The following SAMD5 variants were observed in gnomAD, a reference collection of about 807,000 sequenced individuals.
SAMD5 encodes the protein sterile alpha motif domain containing 5.
In SAMD5, 13 loss-of-function variants were observed where a neutral mutation model predicts 11.3. The ratio of observed to expected loss-of-function variants is 1.15; its 90% CI spans 0.75 to 1.83. SAMD5 has a LOEUF of 1.83. SAMD5 is among the 40% of genes most tolerant of loss of function. The probability of loss-of-function intolerance (pLI) is 0.00; values close to 1 mark genes in which losing one functional copy is unlikely to be tolerated. For synonymous variants in SAMD5, 129 were observed against 111.3 expected (o/e 1.16, Z -1.00); for missense variants, 255 against 239.1 (o/e 1.07, Z -0.44).
At chr6:147,617,582 TA>T (rs1347650241) in intron 1 of SAMD5, among the ~76,000 whole-genome samples, 1 of 152,242 alleles carries the variant, frequency 6.6e-6, no homozygotes. Flanking sequence ...TGGCAGTATC[TA>T]TTCTGGAAGC....
intron 1 of SAMD5, among the ~76,000 whole-genome samples, chr6:147,594,450 C>T (rs886331338): frequency 1.3e-5 from 2 of 152,074 alleles, no homozygotes; most frequent in Non-Finnish European, 2.9e-5. Context: ...TTAATTATGC[C>T]AAGTTCTGAG....
At chr6:147,630,137 C>T (rs1344986284) in intron 1 of SAMD5, among the ~76,000 whole-genome samples, 3 of 151,758 alleles carry the variant, frequency 2.0e-5, no homozygotes, top group South Asian at 2.1e-4. Flanking sequence ...TTAGTAGAGA[C>T]GAGGTTTCTC....
chr6:147,621,998 G>A (rs1789975635), intron 1 of SAMD5, among the ~76,000 whole-genome samples: 1 of 151,886 alleles, frequency 6.6e-6, no homozygotes, highest in South Asian at 2.1e-4. Flanking sequence ...ACACGTGATT[G>A]TGCTGGTGCC....
chr6:147,766,123 A>G, the SAMD5 span, among the ~76,000 whole-genome samples: 1 of 151,802 alleles, frequency 6.6e-6, no homozygotes, highest in African/African-American at 2.4e-5. Flanking sequence ...AAACACAAAA[A>G]AAGAATTGGG....
the SAMD5 span, among the ~76,000 whole-genome samples, chr6:147,835,870 G>C: frequency 6.6e-6 from 1 of 151,996 alleles, no homozygotes; most frequent in Non-Finnish European, 1.5e-5. Context: ...ATTTTCCTTC[G>C]TGACTGAGGC....
At chr6:147,868,372 G>A in the SAMD5 span, among the ~76,000 whole-genome samples, 1 of 152,168 alleles carries the variant, frequency 6.6e-6, no homozygotes, top group South Asian at 2.1e-4. Context: ...GCAAGACTTG[G>A]CCTGGAAACA....
chr6:147,822,592 CT>C, the SAMD5 span, among the ~76,000 whole-genome samples: 1 of 152,122 alleles, frequency 6.6e-6, no homozygotes, highest in Non-Finnish European at 1.5e-5. Flanking sequence ...GGAGTTTTCT[CT>C]GTAAAAACTT....
At chr6:147,937,339 G>T in the SAMD5 span, among the ~76,000 whole-genome samples, 2 of 152,104 alleles carry the variant, frequency 1.3e-5, no homozygotes, top group East Asian at 3.9e-4. Flanking sequence ...CTCTAGCAAG[G>T]CATGCTTATG....
At chr6:147,751,061 T>C in the SAMD5 span, among the ~76,000 whole-genome samples, 1 of 152,314 alleles carries the variant, frequency 6.6e-6, no homozygotes, top group Non-Finnish European at 1.5e-5. Context: ...GACCACATCA[T>C]GGCTCCAACG....
intron 1 of SAMD5, among the ~76,000 whole-genome samples, chr6:147,685,881 G>C (rs533953022): frequency 6.6e-6 from 1 of 152,154 alleles, no homozygotes; most frequent in Non-Finnish European, 1.5e-5. Context: ...TGAAAGAAGC[G>C]ATGTCATAGG....
At chr6:147,920,065 A>G in the SAMD5 span, among the ~76,000 whole-genome samples, 4 of 152,322 alleles carry the variant, frequency 2.6e-5, no homozygotes, top group East Asian at 3.9e-4. Flanking sequence ...GATGGTTACC[A>G]TTGAGCATCA....
the SAMD5 span, among the ~76,000 whole-genome samples, chr6:147,917,893 C>A: frequency 6.6e-6 from 1 of 152,088 alleles, no homozygotes; most frequent in African/African-American, 2.4e-5. Context: ...TTTCTGAGGG[C>A]TCTGTTCTGT....
At chr6:147,768,783 A>T in the SAMD5 span, among the ~76,000 whole-genome samples, 6 of 151,946 alleles carry the variant, frequency 3.9e-5, no homozygotes, top group Non-Finnish European at 7.4e-5. Flanking sequence ...TTGTGGTGAG[A>T]ACATTTAAAA....
chr6:147,879,448 G>T, the SAMD5 span, among the ~76,000 whole-genome samples: 10 of 152,066 alleles, frequency 6.6e-5, 1 homozygote, highest in African/African-American at 2.2e-4. Flanking sequence ...CAGCTTTCTG[G>T]ACCTGCCAGG....
chr6:147,714,288 C>T (rs897558933), intron 1 of SAMD5, among the ~76,000 whole-genome samples: 1 of 152,204 alleles, frequency 6.6e-6, no homozygotes, highest in Non-Finnish European at 1.5e-5. Context: ...AATAGACTTT[C>T]TGACTTAGTC....
the SAMD5 span, among the ~76,000 whole-genome samples, chr6:147,793,882 G>T: frequency 1.3e-5 from 2 of 151,996 alleles, no homozygotes; most frequent in Admixed American, 1.3e-4. Context: ...GTATTATGTT[G>T]GCTATTCTAA....
At chr6:147,658,501 T>A (rs1056352645) in intron 1 of SAMD5, among the ~76,000 whole-genome samples, 3 of 152,152 alleles carry the variant, frequency 2.0e-5, no homozygotes, top group Admixed American at 2.0e-4. Context: ...ATACTATTCA[T>A]CTCAAAGTGT....
At chr6:147,870,310 A>T in the SAMD5 span, among the ~76,000 whole-genome samples, 1 of 152,000 alleles carries the variant, frequency 6.6e-6, no homozygotes, top group South Asian at 2.1e-4. Flanking sequence ...CCTGTCAAGC[A>T]TGAGCTTAGT....
chr6:147,535,642 A>G (rs1788497717), intron 1 of SAMD5, among the ~76,000 whole-genome samples: 1 of 152,150 alleles, frequency 6.6e-6, no homozygotes, highest in Non-Finnish European at 1.5e-5. Flanking sequence ...AAGAATGATT[A>G]TTTTTTACTT....
Sources: gnomAD v4.1 joint callset for allele counts (sites outside exome capture counted in the v4.1 genomes callset) on GRCh38, gnomAD v4.1.1 for gene constraint, MANE v1.5 for transcripts, NCBI Gene and HGNC (gene_info 2026-07-23, HGNC 2026-07-21) for gene names.